Variants in SRD5A3 observed in about 807,000 individuals in gnomAD.
The protein encoded by SRD5A3 is steroid 5 alpha-reductase 3.
Under a neutral mutation model 34.3 loss-of-function variants are expected in SRD5A3, and 24 were observed. The ratio of observed to expected loss-of-function variants is 0.70; its 90% CI spans 0.51 to 0.99. The LOEUF (loss-of-function observed/expected upper bound fraction) is 0.99, where lower values mean the gene tolerates loss of function less well. Ranked by LOEUF, SRD5A3 falls within the 50% of genes least tolerant of loss-of-function variation. The probability of loss-of-function intolerance (pLI) is 0.00; values close to 1 mark genes in which losing one functional copy is unlikely to be tolerated. For synonymous variants in SRD5A3, 161 were observed against 167.3 expected, an observed-to-expected ratio of 0.96 and a Z score of 0.29; for missense variants, 350 against 388.2, an observed-to-expected ratio of 0.90 and a Z score of 0.83.
Position 55,346,511 on chromosome 4 carries a change from G to C in SRD5A3, c.175G>C (p.Glu59Gln). The change falls in exon 1 of 5, where the codon GAG becomes CAG. Residue 59 changes from glutamate (E) to glutamine (Q), a missense_variant. Physicochemically the swap from Glu to Gln is conservative, Grantham distance 29. This residue lies in a region of SRD5A3 where 159 missense variants were observed against 149.1 expected (regional missense o/e 1.07). Transcript: ENST00000264228. ...CCGCTATGGGAAAACCAAGTGTGGGGAGCCGTCGCGCCCCGCCGCCTGCCG... is the reference window on the plus strand; with the variant it reads ...CCGCTATGGGAAAACCAAGTGTGGGCAGCCGTCGCGCCCCGCCGCCTGCCG... ...LIRYGKTKCG[E>Q]PSRPAACRAF... 6.3e-7 allele frequency: 1 copy of C among 1,599,774 alleles called. No individual in the cohort carries two copies. Among genetic ancestry groups the C allele is most frequent in the Non-Finnish European group, 8.5e-7 (1 of 1,174,242 alleles).
intron 1 of SRD5A3, among the ~76,000 whole-genome samples, chr4:55,348,333 G>A (rs973597534): frequency 1.4e-4 from 22 of 151,942 alleles, no homozygotes; most frequent in African/African-American, 5.1e-4. Flanking sequence ...CATTTTTATT[G>A]TGACAAAAAA....
intron 1 of SRD5A3, 103 bp downstream of exon 1, chr4:55,346,660 C>A: frequency 1.8e-6 from 2 of 1,112,724 alleles, no homozygotes; most frequent in Non-Finnish European, 2.4e-6. Context: ...CGGGACCCGG[C>A]CTGGGAGGCC....
chr4:55,347,950 AC>A (rs1460954332), intron 1 of SRD5A3, among the ~76,000 whole-genome samples: 1 of 152,160 alleles, frequency 6.6e-6, no homozygotes, highest in African/African-American at 2.4e-5. Flanking sequence ...ATCCTTTTAT[AC>A]TTCACAGCAA....
chr4:55,349,897 C>G (rs1040508959), intron 1 of SRD5A3, among the ~76,000 whole-genome samples: 2 of 152,080 alleles, frequency 1.3e-5, no homozygotes, highest in Non-Finnish European at 1.5e-5. Context: ...TTAGCATTGC[C>G]TTAATTATGA....
intron 1 of SRD5A3, among the ~76,000 whole-genome samples, chr4:55,353,653 G>T (rs1286701513): frequency 6.6e-6 from 1 of 152,142 alleles, no homozygotes; most frequent in African/African-American, 2.4e-5. Context: ...GCGAAGGTCT[G>T]CGGCTTCACT....
At chr4:55,360,688 G>T (rs79146775) in intron 2 of SRD5A3, among the ~76,000 whole-genome samples, 49 of 133,624 alleles carry the variant, frequency 3.7e-4, no homozygotes, top group African/African-American at 8.1e-4. Context: ...AATATGGAAC[G>T]TTTTTTTTTT....
intron 2 of SRD5A3, among the ~76,000 whole-genome samples, chr4:55,361,047 G>A (rs559706579): frequency 6.6e-4 from 100 of 152,230 alleles, no homozygotes; most frequent in African/African-American, 2.2e-3. Context: ...CCTCAATTAA[G>A]GTCAGGCAGA....
Position 55,370,431 on chromosome 4 carries a change from TCACACACACACACACACACACACACA to T in SRD5A3, c.*357_*382del, listed in dbSNP as rs3034886. 1.3e-5 allele frequency: 3 copies of T among 225,832 alleles called. No homozygotes were observed. The highest frequency in any genetic ancestry group is 5.4e-5 in the Admixed American group (1 of 18,538). 14.0% of individuals were successfully genotyped at this position (225,832 alleles called of 1,614,324 possible). A position where few individuals can be genotyped will look rare whatever the true frequency, so the allele number is the denominator to read the frequency against. Reference sequence around the variant, plus strand: ...AAAAACCGAAAATATACAAACAGCTTCACACACACACACACACACACACACACACACACACACACACAAAGGAAGAT... The same window carrying T: ...AAAAACCGAAAATATACAAACAGCTTCACACACACACACACAAAGGAAGAT... On this transcript the variant is annotated 3_prime_UTR_variant, in exon 5 of 5. Coordinates refer to ENST00000264228, the MANE Select transcript of SRD5A3 (RefSeq NM_024592.5).
chr4:55,354,930 C>T (rs762457167), intron 1 of SRD5A3, among the ~76,000 whole-genome samples: 23 of 152,232 alleles, frequency 1.5e-4, no homozygotes, highest in Non-Finnish European at 3.2e-4. Context: ...AAAGTAAGCA[C>T]TCAAATGTTT....
At chr4:55,351,542 G>A (rs1282389546) in intron 1 of SRD5A3, among the ~76,000 whole-genome samples, 2 of 151,780 alleles carry the variant, frequency 1.3e-5, no homozygotes, top group Non-Finnish European at 2.9e-5. Context: ...AAAATTAGCT[G>A]GCCACTCGGG....
chr4:55,365,986 G>A (rs1719883226), intron 3 of SRD5A3, among the ~76,000 whole-genome samples: 1 of 152,230 alleles, frequency 6.6e-6, no homozygotes, highest in Non-Finnish European at 1.5e-5. Flanking sequence ...GTGAAAAGAA[G>A]ACTATCTGTA....
chr4:55,369,830 A>G lies in SRD5A3; in HGVS notation c.698-2A>G. The G allele has an allele frequency of 1.9e-6, 3 of 1,614,004 alleles. No homozygotes were observed. The highest frequency in any genetic ancestry group is 1.7e-6 in the Non-Finnish European group (2 of 1,180,010). On this transcript the variant is annotated splice_acceptor_variant, in intron 4 of 4. Transcript: ENST00000264228. LOFTEE classifies it high-confidence loss of function. ...TTATGAGATCTTCTTTTACCCTTTC[A>G]GGAGTGGTCATTCACTGTAACCACA...
At chr4:55,352,096 A>G (rs115743784) in intron 1 of SRD5A3, 2 of 780,808 alleles carry the variant, frequency 2.6e-6, no homozygotes, top group African/African-American at 1.7e-5. Context: ...GCATTACACA[A>G]TCAGTTATAC....
chr4:55,370,452 C>T lies in SRD5A3; in HGVS notation c.*361C>T. The T allele has an allele frequency of 3.2e-6, 1 of 312,096 alleles. No homozygotes were observed. The highest frequency in any genetic ancestry group is 3.4e-5 in the South Asian group (1 of 29,564). The allele number at this position is 312,096 out of a possible 1,614,324, so 19.3% of individuals were successfully genotyped here. A position where few individuals can be genotyped will look rare whatever the true frequency, so the allele number is the denominator to read the frequency against. ...AGCTTCACACACACACACACACACA[C>T]ACACACACACACACACACACAAAGG... On this transcript the variant is annotated 3_prime_UTR_variant, in exon 5 of 5. Coordinates refer to ENST00000264228, the MANE Select transcript of SRD5A3 (RefSeq NM_024592.5).
At chr4:55,360,042 C>G (rs1354951992) in intron 2 of SRD5A3, among the ~76,000 whole-genome samples, 1 of 151,022 alleles carries the variant, frequency 6.6e-6, no homozygotes, top group African/African-American at 2.4e-5. Flanking sequence ...GAAACCCTGT[C>G]TCTACTAAAA....
rs267607095 is a variant in SRD5A3, at chr4:55,364,133, C to G, written c.424C>G (p.Arg142Gly). Residue 142 changes from arginine (R) to glycine (G), a missense_variant, in exon 3 of 5, where the codon CGA becomes GGA. By Grantham distance (125) the Arg-to-Gly change is moderately radical (BLOSUM62 -2). Coordinates refer to ENST00000264228, the MANE Select transcript of SRD5A3 (RefSeq NM_024592.5). ...VLVFLWLHSLRRLFECLYVSV... is the reference protein window; with the variant it reads ...VLVFLWLHSLGRLFECLYVSV... ...AGTATTTCTGTGGCTGCACAGCTTA[C>G]GAAGACTCTTCGAGTGCCTCTACGT... 1 of 1,614,074 alleles carries G rather than the reference C, an allele frequency of 6.2e-7. No individual in the cohort carries two copies.
rs181399097 is a variant in SRD5A3 at position 55,354,157 on chromosome 4, C to T, written c.222-5189C>T. 3.4e-3 allele frequency among the ~76,000 whole-genome samples: 510 copies of T among 152,238 alleles called. 1 individual carries two copies. Among genetic ancestry groups the T allele is most frequent in the Non-Finnish European group, 3.5e-3 (241 of 68,024 alleles). On this transcript the variant is annotated intron_variant, in intron 1 of 4. Coordinates refer to ENST00000264228, the MANE Select transcript of SRD5A3 (RefSeq NM_024592.5). ...TGTTGCCCAGGCTGGAGTGCAGTGG[C>T]GCAATGTGGGCTCACTGCAGCCTCC...
At chr4:55,358,318 C>G (rs548882305) in intron 1 of SRD5A3, among the ~76,000 whole-genome samples, 2 of 151,970 alleles carry the variant, frequency 1.3e-5, no homozygotes, top group Non-Finnish European at 1.5e-5. Flanking sequence ...ATCTCTTGAG[C>G]CCAGGAGTTT....
At chr4:55,352,038 T>A in intron 1 of SRD5A3, 1 of 768,838 alleles carries the variant, frequency 1.3e-6, no homozygotes, top group Non-Finnish European at 2.4e-6. Context: ...GGATCCTTGG[T>A]GATCCTTAGA....
Sources: gnomAD v4.1 joint callset for allele counts (sites outside exome capture counted in the v4.1 genomes callset) on GRCh38, gnomAD v4.1.1 for gene constraint, gnomAD v4.1.1 regional missense constraint, MANE v1.5 for transcripts, NCBI Gene and HGNC (gene_info 2026-07-23, HGNC 2026-07-21) for gene names.